PHACTR2: variants seen among roughly 807,000 people sequenced by gnomAD.
The protein encoded by PHACTR2 is chromosome 6 open reading frame 56.
In PHACTR2, 30 loss-of-function variants were observed where a neutral mutation model predicts 76.0. That is an observed-to-expected ratio of 0.39 (90% CI 0.30 to 0.54). The LOEUF is 0.54. PHACTR2 is among the 20% of genes least tolerant of loss of function. PHACTR2 has a pLI of 0.61. For synonymous variants in PHACTR2, 292 were observed against 292.5 expected (o/e 1.00, Z 0.02); for missense variants, 696 against 781.1 (o/e 0.89, Z 1.30).
At chr6:143,693,858 T>C (rs1777707335) in intron 1 of PHACTR2, among the ~76,000 whole-genome samples, 1 of 152,074 alleles carries the variant, frequency 6.6e-6, no homozygotes, top group African/African-American at 2.4e-5. Context: ...GAAAATGGAA[T>C]ATGTGTTCAT....
chr6:143,802,286 T>C lies in PHACTR2; in HGVS notation c.1846-4771T>C, dbSNP rs548743081. On this transcript the variant is annotated intron_variant, in intron 11 of 12. Coordinates refer to ENST00000440869, the MANE Select transcript of PHACTR2 (RefSeq NM_001100164.2). ...CCATTGGTTGTACAACCCAGCACCA[T>C]TGGAGCTCTGATCCCCCATAACCTC... Among the ~76,000 whole-genome samples, 327 of 152,218 alleles carry C rather than the reference T, an allele frequency of 2.1e-3. 1 individual carries two copies. Among genetic ancestry groups the C allele is most frequent in the African/African-American group, 7.6e-3 (317 of 41,538 alleles).
intron 1 of PHACTR2, among the ~76,000 whole-genome samples, chr6:143,542,131 G>A (rs1297687369): frequency 6.6e-6 from 1 of 152,222 alleles, no homozygotes; most frequent in African/African-American, 2.4e-5. Context: ...AGTACAAGAG[G>A]GTGCTGGATG....
chr6:143,710,083 T>A lies in PHACTR2; in HGVS notation c.47-1933T>A, dbSNP rs544874943. On this transcript the variant is annotated intron_variant, in intron 1 of 12. Transcript: ENST00000440869. The surrounding 1 kb of genome is among the most constrained non-coding windows in gnomAD (Gnocchi z 4.9). ...TAGTAGAGCAGTTATTGTCTAAAAG[T>A]TTCTTATGTTGCTACTCTGCCCCTT... is the stretch of plus-strand genomic sequence containing the variant. 2.6e-5 allele frequency among the ~76,000 whole-genome samples: 4 copies of A among 152,120 alleles called. No homozygotes were observed.
At chr6:143,712,377 T>C (rs372846966) in intron 2 of PHACTR2, 194 bp downstream of exon 2, 1 of 307,626 alleles carries the variant, frequency 3.3e-6, no homozygotes. Context: ...ATACTGACCT[T>C]GACTTTCTAA....
rs1490446292 is a variant in PHACTR2, at chr6:143,652,142, G to A, written c.13+43820G>A. On this transcript the variant is annotated intron_variant, in intron 1 of 11. Coordinates refer to the PHACTR2 transcript ENST00000305766. The surrounding 1 kb of genome is among the most constrained non-coding windows in gnomAD (Gnocchi z 4.5). ...AAATGATGGCGGTGATGGGGGAACC[G>A]TTTACTAGGTACAACCACAAGATAT... 6.6e-6 allele frequency among the ~76,000 whole-genome samples: 1 copy of A among 151,118 alleles called. No individual in the cohort carries two copies. The highest frequency in any genetic ancestry group is 2.1e-4 in the South Asian group (1 of 4,802).
chr6:143,538,196 C>T (rs1406176688), intron 1 of PHACTR2, among the ~76,000 whole-genome samples: 3 of 152,204 alleles, frequency 2.0e-5, no homozygotes, highest in South Asian at 2.1e-4. Flanking sequence ...CCCCGTGCAC[C>T]GGGACCGACG....
In PHACTR2 at chr6:143,765,347, T is replaced by C; in HGVS notation, c.781T>C (p.Ser261Pro). ...ATCCACCTCATCTCGTCCCAAAGCT[T>C]CAAAGGAGACAGTTTCTAGCAAAGC... ...TSSTSSRPKA[S>P]KETVSSKAGT... is the part of the protein sequence containing the mutation. Residue 261 changes from serine (S) to proline (P), a missense_variant, in exon 6 of 13, where the codon TCA becomes CCA. Transcript: ENST00000440869. This position sits in a 1 kb window ranked among gnomAD's most constrained non-coding sequence, Gnocchi z 4.1. The C allele has an allele frequency of 6.2e-7, 1 of 1,614,098 alleles. No homozygotes were observed. The highest frequency in any genetic ancestry group is 8.5e-7 in the Non-Finnish European group (1 of 1,180,024).
chr6:143,657,789 G>A (rs537605197), intron 1 of PHACTR2, among the ~76,000 whole-genome samples: 69 of 152,264 alleles, frequency 4.5e-4, no homozygotes, highest in African/African-American at 1.5e-3. Context: ...TGCTTGCCCC[G>A]TGTTGATCAG....
intron 1 of PHACTR2, 141 bp from the exon 2 acceptor site, chr6:143,711,875 G>T: frequency 5.0e-6 from 4 of 807,112 alleles, no homozygotes; most frequent in Non-Finnish European, 8.8e-6. Context: ...TACCAGCTGT[G>T]AAATGGGACA....
In PHACTR2 at chr6:143,627,790, A is replaced by T. The variant is rs1479243675; in HGVS notation, c.13+19468A>T. On this transcript the variant is annotated intron_variant, in intron 1 of 11. Coordinates refer to the PHACTR2 transcript ENST00000305766. This position sits in a 1 kb window ranked among gnomAD's most constrained non-coding sequence, Gnocchi z 4.3. ...CTAATTTTTTGTATTTTTAGTAGAG[A>T]TGGAGTTTCACTATGTTAGCCAGGT... Among the ~76,000 whole-genome samples, 1 of 152,006 alleles carries T rather than the reference A, an allele frequency of 6.6e-6. No individual in the cohort carries two copies. Among genetic ancestry groups the T allele is most frequent in the Non-Finnish European group, 1.5e-5 (1 of 68,008 alleles).
Position 143,782,292 on chromosome 6 carries a change from T to C in PHACTR2, c.1646-927T>C, listed in dbSNP as rs2128477752. ...AAGTTTTCCTTTTTCAACCTTTTGG[T>C]CAAGGCTTTATATGGTGTTATTTTC... On this transcript the variant is annotated intron_variant, in intron 9 of 12. Transcript: ENST00000440869. The surrounding 1 kb of genome is among the most constrained non-coding windows in gnomAD (Gnocchi z 4.6). 6.6e-6 allele frequency among the ~76,000 whole-genome samples: 1 copy of C among 152,194 alleles called. No individual in the cohort carries two copies. The highest frequency in any genetic ancestry group is 6.5e-5 in the Admixed American group (1 of 15,280).
Position 143,559,697 on chromosome 6 carries a change from T to C in PHACTR2, c.217+22490T>C, listed in dbSNP as rs865878118. ...ACCAGTGATTTTTCTTTTCTTTTTT[T>C]TTTTTTTTTTTTTTTTTTTTTTTTT... On this transcript the variant is annotated intron_variant, in intron 1 of 11. Transcript: ENST00000367584. 6.9e-3 allele frequency among the ~76,000 whole-genome samples: 333 copies of C among 48,284 alleles called. 5 individuals carry two copies. The highest frequency in any genetic ancestry group is 0.022 in the African/African-American group (310 of 14,180). The allele number at this position is 48,284 out of a possible 152,430, so 31.7% of individuals were successfully genotyped here. A position where few individuals can be genotyped will look rare whatever the true frequency, so the allele number is the denominator to read the frequency against.
chr6:143,772,143 T>A lies in PHACTR2; in HGVS notation c.1233-115T>A, dbSNP rs1204946055. 2 of 720,932 alleles carry A rather than the reference T, an allele frequency of 2.8e-6. No homozygotes were observed. The highest frequency in any genetic ancestry group is 3.5e-5 in the African/African-American group (2 of 57,060). The allele number at this position is 720,932 out of a possible 1,614,324, so 44.7% of individuals were successfully genotyped here. A position where few individuals can be genotyped will look rare whatever the true frequency, so the allele number is the denominator to read the frequency against. On this transcript the variant is annotated intron_variant, in intron 6 of 12. Coordinates refer to ENST00000440869, the MANE Select transcript of PHACTR2 (RefSeq NM_001100164.2). This position sits in a 1 kb window ranked among gnomAD's most constrained non-coding sequence, Gnocchi z 5.4. ...TTTAGCCTGGCCTATGTCAAGTGTC[T>A]GCTTTCCTCAGCCTGAAGGAAGCCC...
chr6:143,740,283 C>T (rs1321938408), intron 2 of PHACTR2, among the ~76,000 whole-genome samples: 1 of 151,980 alleles, frequency 6.6e-6, no homozygotes, highest in Non-Finnish European at 1.5e-5. Flanking sequence ...TTTTAGCTGG[C>T]TTCTTTATTG....
chr6:143,765,901 C>A lies in PHACTR2; in HGVS notation c.1232+103C>A. 3.1e-6 allele frequency: 3 copies of A among 965,822 alleles called. No homozygotes were observed. Among genetic ancestry groups the A allele is most frequent in the African/African-American group, 1.6e-5 (1 of 61,010 alleles). 59.8% of individuals were successfully genotyped at this position (965,822 alleles called of 1,614,324 possible). On this transcript the variant is annotated intron_variant, in intron 6 of 12. Transcript: ENST00000440869. The surrounding 1 kb of genome is among the most constrained non-coding windows in gnomAD (Gnocchi z 4.1). ...GGTTTGCTTTCTTATATAATTTAAT[C>A]TACTGAGTGTTAGGTAGGCATACAT...
chr6:143,692,961 GCC>G (rs371148291), intron 1 of PHACTR2, among the ~76,000 whole-genome samples: 1 of 152,298 alleles, frequency 6.6e-6, no homozygotes, highest in African/African-American at 2.4e-5. Context: ...TCTGCTCAGA[GCC>G]TCTGTCTTTA....
At chr6:143,758,311 CAT>C (rs1178380668) in intron 4 of PHACTR2, among the ~76,000 whole-genome samples, 1 of 152,150 alleles carries the variant, frequency 6.6e-6, no homozygotes, top group Admixed American at 6.6e-5. Context: ...ATTAAGGTGA[CAT>C]GTGTTACAGA....
At position 143,678,308 on chromosome 6, in the gene PHACTR2, C is replaced by A; in HGVS notation, c.46+99C>A. On this transcript the variant is annotated intron_variant, in intron 1 of 12. Coordinates refer to ENST00000440869, the MANE Select transcript of PHACTR2 (RefSeq NM_001100164.2). The surrounding 1 kb of genome is among the most constrained non-coding windows in gnomAD (Gnocchi z 6.2). Reference sequence around the variant, plus strand: ...GGGTTAGTCGTCTGGTCGGGTTCCGCTCGGACCCGCCAAGTCCCTCGGAGA... The same window carrying A: ...GGGTTAGTCGTCTGGTCGGGTTCCGATCGGACCCGCCAAGTCCCTCGGAGA... The A allele has an allele frequency of 8.8e-7, 1 of 1,137,966 alleles. No individual in the cohort carries two copies. The highest frequency in any genetic ancestry group is 1.2e-6 in the Non-Finnish European group (1 of 854,780). 70.5% of individuals were successfully genotyped at this position (1,137,966 alleles called of 1,614,324 possible).
In PHACTR2 at chr6:143,696,313, A is replaced by G. The variant is rs1008218653; in HGVS notation, c.47-15703A>G. Reference sequence around the variant, plus strand: ...GTTTTGGGTGGGTATACAGGAGTTTATTTATTTCAGGGGGCATTTTTGTTT... The same window carrying G: ...GTTTTGGGTGGGTATACAGGAGTTTGTTTATTTCAGGGGGCATTTTTGTTT... On this transcript the variant is annotated intron_variant, in intron 1 of 12. Coordinates refer to ENST00000440869, the MANE Select transcript of PHACTR2 (RefSeq NM_001100164.2). The surrounding 1 kb of genome is among the most constrained non-coding windows in gnomAD (Gnocchi z 4.1). Among the ~76,000 whole-genome samples, 1 of 152,070 alleles carries G rather than the reference A, an allele frequency of 6.6e-6. No homozygotes were observed. Among genetic ancestry groups the G allele is most frequent in the African/African-American group, 2.4e-5 (1 of 41,408 alleles).
Sources: allele counts gnomAD v4.1 joint callset (sites outside exome capture counted in the v4.1 genomes callset), GRCh38; gene constraint gnomAD v4.1.1; non-coding constraint Gnocchi (gnomAD v3.1); transcripts MANE v1.5; gene names NCBI Gene and HGNC (gene_info 2026-07-23, HGNC 2026-07-21).